The following SORBS2 variants were observed in gnomAD, a reference collection of about 807,000 sequenced individuals.
SORBS2 encodes the protein sorbin and SH3 domain-containing protein 2.
Under a neutral mutation model 97.7 loss-of-function variants are expected in SORBS2, and 46 were observed. That is an observed-to-expected ratio of 0.47 (90% CI 0.37 to 0.60). The LOEUF (loss-of-function observed/expected upper bound fraction) is 0.60. Among genes scored for constraint, SORBS2 ranks in the 20% least tolerant of loss-of-function variants. The probability of loss-of-function intolerance (pLI) is 0.00; values close to 1 mark genes in which losing one functional copy is unlikely to be tolerated. For synonymous variants in SORBS2, 476 were observed against 473.4 expected, an observed-to-expected ratio of 1.01 and a Z score of -0.07; for missense variants, 1,316 against 1,282.3, an observed-to-expected ratio of 1.03 and a Z score of -0.40.
At chr4:185,613,460 C>T (rs572328986) in intron 11 of SORBS2, among the ~76,000 whole-genome samples, 3 of 151,854 alleles carry the variant, frequency 2.0e-5, no homozygotes, top group Admixed American at 6.6e-5. Flanking sequence ...CCAGCCTGGC[C>T]AACATAGTGA....
At chr4:185,640,424 A>T (rs2097107418) in intron 4 of SORBS2, among the ~76,000 whole-genome samples, 1 of 152,202 alleles carries the variant, frequency 6.6e-6, no homozygotes, top group Non-Finnish European at 1.5e-5. Flanking sequence ...TTATTGTTGT[A>T]ATGTTATTTT....
At chr4:185,654,667 G>C (rs892756029) in intron 1 of SORBS2, among the ~76,000 whole-genome samples, 4 of 152,198 alleles carry the variant, frequency 2.6e-5, no homozygotes, top group Non-Finnish European at 5.9e-5. Flanking sequence ...AGCATTTAAA[G>C]TTCCTTTTGT....
intron 1 of SORBS2, among the ~76,000 whole-genome samples, chr4:185,875,687 T>C (rs10001944): frequency 0.55 from 84,299 of 152,186 alleles, 23,585 homozygotes; most frequent in East Asian, 0.74. Flanking sequence ...CTGCTCCCTT[T>C]AGAGGTAAAC....
At chr4:185,810,888 T>A (rs1237948491) in intron 1 of SORBS2, 1 of 152,196 alleles carries the variant, frequency 6.6e-6, no homozygotes, top group Non-Finnish European at 1.5e-5. Context: ...CTGAAACCTA[T>A]CTGCTTGTGA....
chr4:185,711,210 A>T (rs1200738876), intron 2 of SORBS2, among the ~76,000 whole-genome samples: 1 of 151,398 alleles, frequency 6.6e-6, no homozygotes, highest in Admixed American at 6.6e-5. Context: ...CTGGCCTCCC[A>T]TCTCAGCCTC....
chr4:185,850,551 G>C (rs1183540211), intron 1 of SORBS2, among the ~76,000 whole-genome samples: 3 of 152,160 alleles, frequency 2.0e-5, no homozygotes, highest in Non-Finnish European at 4.4e-5. Flanking sequence ...TAATGAATTT[G>C]ATTTGTGAGT....
chr4:185,923,595 G>A (rs918412616), intron 1 of SORBS2, among the ~76,000 whole-genome samples: 4 of 149,604 alleles, frequency 2.7e-5, no homozygotes, highest in African/African-American at 9.8e-5. Flanking sequence ...CACCGTGCCT[G>A]GCCAATTTTT....
chr4:185,664,409 G>T (rs945904321), intron 4 of SORBS2, among the ~76,000 whole-genome samples: 19 of 152,214 alleles, frequency 1.2e-4, no homozygotes, highest in Non-Finnish European at 2.4e-4. Context: ...GAACAGGTTA[G>T]TTGGTAGATT....
intron 4 of SORBS2, chr4:185,677,133 G>A (rs1276271494): frequency 1.9e-6 from 3 of 1,551,706 alleles, no homozygotes; most frequent in Non-Finnish European, 2.6e-6. Flanking sequence ...TGAAAGGGGA[G>A]CTATCTGAAT....
rs139200627 is a variant in SORBS2 at position 185,916,497 on chromosome 4, C to T, written c.-338+39699G>A. On this transcript the variant is annotated intron_variant, in intron 1 of 20. Coordinates refer to the SORBS2 transcript ENST00000284776. ...TCATTACTAATGATTATCACAGAAT[C>T]GATCACATTAGCCAACTGACTCAAT... Among the ~76,000 whole-genome samples, 575 of 152,256 alleles carry T rather than the reference C, an allele frequency of 3.8e-3. 4 individuals are homozygous for T. The highest frequency in any genetic ancestry group is 0.013 in the African/African-American group (536 of 41,546).
In SORBS2 at chr4:185,606,769, G is replaced by C; in HGVS notation, c.2796+5011C>G. 1 of 985,196 alleles carries C rather than the reference G, an allele frequency of 1.0e-6. No individual in the cohort carries two copies. Among genetic ancestry groups the C allele is most frequent in the Non-Finnish European group, 1.2e-6 (1 of 829,882 alleles). 61.0% of individuals were successfully genotyped at this position (985,196 alleles called of 1,614,324 possible). ...GGCGTCTCCTTCCTGAGGTTCTGGC[G>C]GCCCTCTCTGGATGCCTGACACAAT... On this transcript the variant is annotated intron_variant, in intron 12 of 14. Coordinates refer to ENST00000418609, the Ensembl canonical transcript of SORBS2. This position sits in a 1 kb window ranked among gnomAD's most constrained non-coding sequence, Gnocchi z 4.3.
chr4:185,865,021 T>C (rs372629104), intron 1 of SORBS2, among the ~76,000 whole-genome samples: 2 of 152,138 alleles, frequency 1.3e-5, no homozygotes, highest in African/African-American at 4.8e-5. Flanking sequence ...AGCCGATGCT[T>C]TGGGCTCAAT....
chr4:185,659,728 T>A (rs530397413), upstream of SORBS2, among the ~76,000 whole-genome samples: 3 of 152,130 alleles, frequency 2.0e-5, no homozygotes, highest in Admixed American at 1.3e-4. Context: ...GCTAAGCTAG[T>A]CCTTATTAAG....
chr4:185,735,875 T>C (rs569410463), intron 2 of SORBS2, among the ~76,000 whole-genome samples: 1 of 152,360 alleles, frequency 6.6e-6, no homozygotes. Flanking sequence ...ATTTTTAATA[T>C]TATCCTAATG....
chr4:185,633,647 C>G (rs930749942), intron 4 of SORBS2, among the ~76,000 whole-genome samples: 1 of 151,868 alleles, frequency 6.6e-6, no homozygotes, highest in Non-Finnish European at 1.5e-5. Flanking sequence ...GATTTATCCT[C>G]TAAATATATA....
At chr4:185,914,210 A>C (rs2099256843) in intron 1 of SORBS2, among the ~76,000 whole-genome samples, 1 of 152,210 alleles carries the variant, frequency 6.6e-6, no homozygotes, top group Non-Finnish European at 1.5e-5. Flanking sequence ...AATAGAAAAC[A>C]ACACTATATT....
intron 14 of SORBS2, chr4:185,589,356 TTGA>T (rs1312429667): frequency 6.9e-6 from 2 of 290,936 alleles, no homozygotes; most frequent in African/African-American, 4.4e-5. Context: ...GCACAGAGCG[TTGA>T]TATTTCTCTT....
At chr4:185,660,340 G>A (rs981339816), upstream of SORBS2, among the ~76,000 whole-genome samples, 6 of 152,158 alleles carry the variant, frequency 3.9e-5, no homozygotes, top group Non-Finnish European at 8.8e-5. Context: ...TTATATGTGT[G>A]TAAATGCATA....
intron 12 of SORBS2, among the ~76,000 whole-genome samples, chr4:185,609,699 C>G (rs964806529): frequency 2.0e-5 from 3 of 152,136 alleles, no homozygotes; most frequent in Admixed American, 2.0e-4. Context: ...AAGACAAAGA[C>G]AGTATGTCAA....
Sources: gnomAD v4.1 joint callset for allele counts (sites outside exome capture counted in the v4.1 genomes callset) on GRCh38, gnomAD v4.1.1 for gene constraint, Gnocchi (gnomAD v3.1) non-coding constraint, MANE v1.5 for transcripts, NCBI Gene and HGNC (gene_info 2026-07-23, HGNC 2026-07-21) for gene names.